The following ZNF398 variants were observed in gnomAD, a reference collection of about 807,000 sequenced individuals.
ZNF398 encodes the protein zinc finger DNA binding protein ZER6.
In ZNF398, 18 loss-of-function variants were observed where a neutral mutation model predicts 41.9. The ratio of observed to expected loss-of-function variants is 0.43; its 90% CI spans 0.30 to 0.64. The LOEUF (loss-of-function observed/expected upper bound fraction) is 0.64, where lower values mean the gene tolerates loss of function less well. Among genes scored for constraint, ZNF398 ranks in the 30% least tolerant of loss-of-function variants. ZNF398 has a pLI of 0.14. For synonymous variants in ZNF398, 260 were observed against 308.8 expected, an observed-to-expected ratio of 0.84 and a Z score of 1.66; for missense variants, 669 against 822.8, an observed-to-expected ratio of 0.81 and a Z score of 2.29.
At chr7:149,155,399 A>G (rs1015100955) in intron 2 of ZNF398, among the ~76,000 whole-genome samples, 6 of 152,208 alleles carry the variant, frequency 3.9e-5, no homozygotes, top group Admixed American at 3.9e-4. Flanking sequence ...CAGCCTGGGC[A>G]ACAGAGTGAG....
upstream of ZNF398, among the ~76,000 whole-genome samples, chr7:149,143,604 A>G (rs1826870498): frequency 6.6e-6 from 1 of 152,208 alleles, no homozygotes; most frequent in African/African-American, 2.4e-5. Flanking sequence ...ACCTGAGGTC[A>G]GTAGTTCGAG....
chr7:149,150,769 G>C (rs1355309621), intron 1 of ZNF398, among the ~76,000 whole-genome samples: 2 of 152,060 alleles, frequency 1.3e-5, no homozygotes, highest in Non-Finnish European at 2.9e-5. Flanking sequence ...GAGTGCAGTG[G>C]CACGATTTCA....
At chr7:149,176,717 T>C in intron 5 of ZNF398, 136 bp downstream of exon 5, 1 of 569,956 alleles carries the variant, frequency 1.8e-6, no homozygotes, top group African/African-American at 1.9e-5. Context: ...TGCTCAACAT[T>C]ATGAATGAAA....
At chr7:149,133,951 ATGT>A (rs1476521141) in intron 2 of ZNF398, among the ~76,000 whole-genome samples, 13 of 148,670 alleles carry the variant, frequency 8.7e-5, no homozygotes, top group Admixed American at 6.8e-4. Flanking sequence ...GAGTTTCTCC[ATGT>A]TGGTCAGGCT....
At chr7:149,161,137 G>A (rs1795098511) in intron 2 of ZNF398, among the ~76,000 whole-genome samples, 1 of 152,052 alleles carries the variant, frequency 6.6e-6, no homozygotes, top group African/African-American at 2.4e-5. Context: ...TCCTCACCCT[G>A]TCTATCCCTC....
intron 2 of ZNF398, among the ~76,000 whole-genome samples, chr7:149,139,360 A>G (rs113638130): frequency 0.016 from 2,509 of 152,182 alleles, 41 homozygotes; most frequent in Middle Eastern, 0.031. Flanking sequence ...TACCTGGTCT[A>G]TTGTTACTGT....
At chr7:149,127,465 G>C (rs1184799411) in intron 1 of ZNF398, among the ~76,000 whole-genome samples, 3 of 151,274 alleles carry the variant, frequency 2.0e-5, no homozygotes, top group African/African-American at 7.3e-5. Flanking sequence ...CCAGCACTTT[G>C]GGAGGCGGAG....
intron 4 of ZNF398, among the ~76,000 whole-genome samples, chr7:149,169,677 C>T (rs1240284409): frequency 3.3e-5 from 5 of 152,092 alleles, no homozygotes; most frequent in South Asian, 2.1e-4. Context: ...GTTTTGAACT[C>T]GTGAACTCAA....
intron 2 of ZNF398, among the ~76,000 whole-genome samples, chr7:149,133,685 A>ATATATATC (rs1826648631): frequency 2.5e-5 from 1 of 39,576 alleles, no homozygotes; most frequent in South Asian, 1.3e-3. Flanking sequence ...ATATACATAT[A>ATATATATC]TATGTGTGTA....
At chr7:149,135,525 G>T (rs1237347827) in intron 2 of ZNF398, among the ~76,000 whole-genome samples, 44 of 152,016 alleles carry the variant, frequency 2.9e-4, no homozygotes, top group Non-Finnish European at 1.9e-4. Flanking sequence ...GGGAGCAGGG[G>T]TGAGGGATAG....
intron 2 of ZNF398, among the ~76,000 whole-genome samples, chr7:149,136,259 C>T (rs1826710781): frequency 6.6e-6 from 1 of 152,158 alleles, no homozygotes; most frequent in Non-Finnish European, 1.5e-5. Flanking sequence ...CCACCTCACA[C>T]TTAGAGGGTT....
rs149768327 is a variant in ZNF398 at position 149,178,027 on chromosome 7, C to G, written c.776-621C>G. On this transcript the variant is annotated intron_variant, in intron 5 of 5. Transcript: ENST00000475153. ...CTGAGCACAGCTGGACGCGGTGGCTCATGCCTGTAATCCCAGCACTTTGGG... is the reference window on the plus strand; with the variant it reads ...CTGAGCACAGCTGGACGCGGTGGCTGATGCCTGTAATCCCAGCACTTTGGG... Among the ~76,000 whole-genome samples the G allele has an allele frequency of 5.7e-3, 872 of 152,258 alleles. 7 individuals carry two copies. The highest frequency in any genetic ancestry group is 0.029 in the Admixed American group (438 of 15,286).
intron 2 of ZNF398, among the ~76,000 whole-genome samples, chr7:149,130,249 C>T (rs193070935): frequency 6.6e-6 from 1 of 152,222 alleles, no homozygotes; most frequent in East Asian, 1.9e-4. Context: ...GTGCACACCA[C>T]CCCACCTGGC....
At chr7:149,144,001 A>G (rs1826882361), upstream of ZNF398, among the ~76,000 whole-genome samples, 1 of 152,228 alleles carries the variant, frequency 6.6e-6, no homozygotes, top group Admixed American at 6.6e-5. Context: ...AATATTGTGC[A>G]TCTTCTTTAA....
Position 149,147,687 on chromosome 7 carries a change from TGGCAGCGGC to T in ZNF398, c.-43_-35del, listed in dbSNP as rs916636272. 390 of 1,274,756 alleles carry T rather than the reference TGGCAGCGGC, an allele frequency of 3.1e-4. No homozygotes were observed. The highest frequency in any genetic ancestry group is 2.7e-3 in the Admixed American group (64 of 23,670). 79.0% of individuals were successfully genotyped at this position (1,274,756 alleles called of 1,614,324 possible). On this transcript the variant is annotated 5_prime_UTR_variant, in exon 1 of 6. Transcript: ENST00000475153. The surrounding 1 kb of genome is among the most constrained non-coding windows in gnomAD (Gnocchi z 5.6). ...CGGGCCTGCTTGGAGCCGGGCGCGG[TGGCAGCGGC>T]GGCAGCGGCGGCGACTTCCGAGGCC...
chr7:149,163,529 C>A (rs542090515), intron 2 of ZNF398, among the ~76,000 whole-genome samples: 1 of 152,238 alleles, frequency 6.6e-6, no homozygotes, highest in South Asian at 2.1e-4. Flanking sequence ...TGTGCCACCA[C>A]GCCCCTGGCT....
chr7:149,175,121 A>G (rs1369735159), intron 4 of ZNF398, among the ~76,000 whole-genome samples: 1 of 152,106 alleles, frequency 6.6e-6, no homozygotes. Flanking sequence ...CTTTCGTCTT[A>G]CCCCAGCCTC....
At chr7:149,167,492 C>G (rs1222725114) in intron 4 of ZNF398, among the ~76,000 whole-genome samples, 1 of 152,150 alleles carries the variant, frequency 6.6e-6, no homozygotes, top group Non-Finnish European at 1.5e-5. Flanking sequence ...CCTCACCTTG[C>G]TGTCAGAAAA....
At chr7:149,157,427 C>A (rs1408741504) in intron 2 of ZNF398, among the ~76,000 whole-genome samples, 1 of 148,816 alleles carries the variant, frequency 6.7e-6, no homozygotes, top group Admixed American at 6.7e-5. Flanking sequence ...CCCAGCTACT[C>A]GGGAGGCTGA....
Sources: allele counts gnomAD v4.1 joint callset (sites outside exome capture counted in the v4.1 genomes callset), GRCh38; gene constraint gnomAD v4.1.1; non-coding constraint Gnocchi (gnomAD v3.1); transcripts MANE v1.5; gene names NCBI Gene and HGNC (gene_info 2026-07-23, HGNC 2026-07-21).